Variants in FRMD4B observed in about 807,000 individuals in gnomAD.
The protein encoded by FRMD4B is FERM domain containing 4B, also known as FERM domain-containing protein 4B.
FRMD4B carries 74 observed loss-of-function variants against 141.5 expected under a neutral mutation model. The observed-to-expected ratio is 0.52, with a 90% confidence interval of 0.43 to 0.63. The LOEUF (loss-of-function observed/expected upper bound fraction) is 0.63. Ranked by LOEUF, FRMD4B falls within the 30% of genes least tolerant of loss-of-function variation. The pLI, the probability that FRMD4B is intolerant of heterozygous loss-of-function variation, is 0.00. For synonymous variants in FRMD4B, 506 were observed against 467.9 expected (o/e 1.08, Z -1.05); for missense variants, 1,366 against 1,253.4 (o/e 1.09, Z -1.36).
intron 1 of FRMD4B, among the ~76,000 whole-genome samples, chr3:69,436,204 A>C (rs907174474): frequency 2.0e-5 from 3 of 152,204 alleles, no homozygotes; most frequent in Non-Finnish European, 4.4e-5. Flanking sequence ...AATATATGCA[A>C]TCTCTAATGA....
intron 2 of FRMD4B, among the ~76,000 whole-genome samples, chr3:69,425,872 G>C (rs769028567): frequency 1.3e-5 from 2 of 152,150 alleles, no homozygotes; most frequent in African/African-American, 4.8e-5. Flanking sequence ...ACTCCAGAGC[G>C]TATGCTTAAT....
At chr3:69,247,159 T>C (rs918562908) in intron 7 of FRMD4B, among the ~76,000 whole-genome samples, 1 of 151,458 alleles carries the variant, frequency 6.6e-6, no homozygotes, top group Non-Finnish European at 1.5e-5. Flanking sequence ...TTACTTGCTA[T>C]AAGCCAGATG....
At chr3:69,339,300 G>T (rs1284120005) in intron 1 of FRMD4B, among the ~76,000 whole-genome samples, 1 of 152,152 alleles carries the variant, frequency 6.6e-6, no homozygotes, top group Non-Finnish European at 1.5e-5. Context: ...TTCCACATGT[G>T]GGGAGGCGAC....
At chr3:69,528,730 T>C (rs6794407) in intron 1 of FRMD4B, among the ~76,000 whole-genome samples, 5,958 of 151,978 alleles carry the variant, frequency 0.039, 403 homozygotes, top group African/African-American at 0.14. Flanking sequence ...GTGTAAGGTA[T>C]TTATCTGAGA....
chr3:69,335,064 G>A (rs901652509), intron 1 of FRMD4B, among the ~76,000 whole-genome samples: 7 of 152,122 alleles, frequency 4.6e-5, no homozygotes, highest in African/African-American at 1.2e-4. Flanking sequence ...CAGAAGGATC[G>A]CTTGAGCCCA....
chr3:69,495,603 A>C (rs1706369998), intron 1 of FRMD4B, among the ~76,000 whole-genome samples: 1 of 152,122 alleles, frequency 6.6e-6, no homozygotes, highest in Non-Finnish European at 1.5e-5. Context: ...TTTGAATCCC[A>C]CCTCTGCCCC....
chr3:69,296,858 T>G (rs1701050703), intron 4 of FRMD4B, among the ~76,000 whole-genome samples: 1 of 152,150 alleles, frequency 6.6e-6, no homozygotes, highest in Non-Finnish European at 1.5e-5. Flanking sequence ...ATATGTTCAT[T>G]GTAAGAAAAA....
At chr3:69,521,385 T>G (rs1354072510) in intron 1 of FRMD4B, among the ~76,000 whole-genome samples, 1 of 152,214 alleles carries the variant, frequency 6.6e-6, no homozygotes. Flanking sequence ...TCTTTCTTAA[T>G]TGATTTCTCC....
intron 1 of FRMD4B, among the ~76,000 whole-genome samples, chr3:69,528,328 G>GCT (rs963141192): frequency 1.6e-5 from 2 of 128,766 alleles, no homozygotes; most frequent in Non-Finnish European, 3.2e-5. Flanking sequence ...TTTCTTTCTC[G>GCT]CTCTCTCTCT....
At chr3:69,314,755 G>A (rs1701748468) in intron 1 of FRMD4B, among the ~76,000 whole-genome samples, 1 of 152,016 alleles carries the variant, frequency 6.6e-6, no homozygotes, top group Admixed American at 6.6e-5. Flanking sequence ...GAAACCCTTT[G>A]GCCTGGGAGG....
chr3:69,209,588 A>C (rs1025687110), intron 11 of FRMD4B, among the ~76,000 whole-genome samples: 1 of 152,186 alleles, frequency 6.6e-6, no homozygotes, highest in Non-Finnish European at 1.5e-5. Flanking sequence ...GCCAGCTGGT[A>C]AGTGGAAATG....
intron 4 of FRMD4B, chr3:69,292,907 T>C (rs1168389271): frequency 2.4e-5 from 8 of 331,100 alleles, no homozygotes; most frequent in South Asian, 1.4e-4. Flanking sequence ...TTGAAGCCCA[T>C]GGTTAATTTT....
At chr3:69,512,351 G>A (rs752479213) in intron 1 of FRMD4B, among the ~76,000 whole-genome samples, 19 of 152,166 alleles carry the variant, frequency 1.2e-4, no homozygotes, top group Non-Finnish European at 2.6e-4. Context: ...TGGGTTAACC[G>A]CATAATTTCT....
At chr3:69,220,157 G>A (rs2093180067) in intron 9 of FRMD4B, among the ~76,000 whole-genome samples, 1 of 152,150 alleles carries the variant, frequency 6.6e-6, no homozygotes, top group Non-Finnish European at 1.5e-5. Context: ...ACATCATAGA[G>A]TGCACTTACA....
chr3:69,473,919 G>A (rs974782767), intron 1 of FRMD4B, among the ~76,000 whole-genome samples: 1 of 152,070 alleles, frequency 6.6e-6, no homozygotes, highest in African/African-American at 2.4e-5. Flanking sequence ...AAGGGTTTGC[G>A]CTTAGGCTGC....
intron 7 of FRMD4B, among the ~76,000 whole-genome samples, chr3:69,243,400 G>C (rs1234472912): frequency 3.9e-5 from 6 of 152,188 alleles, no homozygotes; most frequent in Admixed American, 2.0e-4. Context: ...AAAATGAAGA[G>C]AGGCATGAGC....
intron 18 of FRMD4B, among the ~76,000 whole-genome samples, 182 bp from the exon 19 acceptor site, chr3:69,188,099 A>T (rs1437161167): frequency 6.6e-6 from 1 of 152,188 alleles, no homozygotes; most frequent in Non-Finnish European, 1.5e-5. Context: ...TATACACCAG[A>T]AAAAACGAAA....
chr3:69,350,470 C>T (rs1703102423), intron 1 of FRMD4B, among the ~76,000 whole-genome samples: 1 of 152,132 alleles, frequency 6.6e-6, no homozygotes, highest in Non-Finnish European at 1.5e-5. Context: ...CATCCCATTA[C>T]TGCGTATATA....
intron 18 of FRMD4B, among the ~76,000 whole-genome samples, chr3:69,189,580 T>C (rs771936093): frequency 6.6e-6 from 1 of 152,192 alleles, no homozygotes. Flanking sequence ...CGTAAATCTA[T>C]GATTACTTCA....
Sources: allele counts gnomAD v4.1 joint callset (sites outside exome capture counted in the v4.1 genomes callset), GRCh38; gene constraint gnomAD v4.1.1; transcripts MANE v1.5; gene names NCBI Gene and HGNC (gene_info 2026-07-23, HGNC 2026-07-21).